Variants in TSHR observed in about 807,000 individuals in gnomAD.
The protein encoded by TSHR is thyroid stimulating hormone receptor.
TSHR carries 51 observed loss-of-function variants against 64.1 expected under a neutral mutation model. That is an observed-to-expected ratio of 0.80 (90% CI 0.64 to 1.01). TSHR has a LOEUF of 1.01. Among genes scored for constraint, TSHR ranks in the 50% least tolerant of loss-of-function variants. The pLI is 0.00. For missense variants in TSHR, 877 were observed against 942.8 expected, an observed-to-expected ratio of 0.93 and a Z score of 0.91; for synonymous variants, 361 against 361.9, an observed-to-expected ratio of 1.00 and a Z score of 0.03.
rs1477244296 is a variant in TSHR, at chr14:81,145,909, GCT to G, written c.*1559_*1560del. ...TCATAAACCACACCATGAAATAAAA[GCT>G]CTTTGTTGTTTTAAGATTGTGAAGT... On this transcript the variant is annotated 3_prime_UTR_variant, in exon 10 of 10. Coordinates refer to ENST00000298171, the MANE Select transcript of TSHR (RefSeq NM_000369.5). 3 of 232,398 alleles carry G rather than the reference GCT, an allele frequency of 1.3e-5. No homozygotes were observed. The highest frequency in any genetic ancestry group is 6.6e-5 in the African/African-American group (3 of 45,264). The allele number at this position is 232,398 out of a possible 1,614,324, so 14.4% of individuals were successfully genotyped here.
At chr14:81,074,945 G>T (rs1406778943) in intron 3 of TSHR, among the ~76,000 whole-genome samples, 1 of 152,164 alleles carries the variant, frequency 6.6e-6, no homozygotes, top group Non-Finnish European at 1.5e-5. Context: ...CCCAATTCAT[G>T]TTTAGATTTT....
intron 1 of TSHR, among the ~76,000 whole-genome samples, chr14:81,056,115 C>T (rs1250553154): frequency 5.9e-5 from 9 of 152,144 alleles, no homozygotes; most frequent in East Asian, 1.9e-4. Flanking sequence ...TCATGAAATC[C>T]GATGATTTTA....
At chr14:81,141,431 G>A (rs905340444) in intron 9 of TSHR, among the ~76,000 whole-genome samples, 3 of 152,206 alleles carry the variant, frequency 2.0e-5, no homozygotes, top group Non-Finnish European at 4.4e-5. Context: ...CTTTTGTTGT[G>A]AGTCTGGTGA....
intron 1 of TSHR, among the ~76,000 whole-genome samples, chr14:80,986,932 G>C (rs1031276232): frequency 1.3e-5 from 2 of 152,214 alleles, no homozygotes; most frequent in Admixed American, 1.3e-4. Flanking sequence ...CCACATTGCA[G>C]AAACAAGATT....
chr14:81,041,003 T>TA (rs1444705163), intron 1 of TSHR, among the ~76,000 whole-genome samples: 4 of 151,948 alleles, frequency 2.6e-5, no homozygotes, highest in Non-Finnish European at 4.4e-5. Flanking sequence ...TATTAAAAAG[T>TA]AAAAAAATAA....
At chr14:81,058,555 A>G (rs1885988781) in intron 1 of TSHR, among the ~76,000 whole-genome samples, 1 of 152,146 alleles carries the variant, frequency 6.6e-6, no homozygotes, top group Admixed American at 6.5e-5. Flanking sequence ...TTTTTTTCTC[A>G]TATTTTAGAA....
At chr14:81,012,385 A>G (rs1309841605) in intron 1 of TSHR, 13 of 151,610 alleles carry the variant, frequency 8.6e-5, no homozygotes, top group Non-Finnish European at 1.3e-4. Context: ...ATTGTGAATA[A>G]TGCCGCAATA....
At chr14:81,016,175 T>G (rs1191629824) in intron 1 of TSHR, among the ~76,000 whole-genome samples, 1 of 152,192 alleles carries the variant, frequency 6.6e-6, no homozygotes, top group Non-Finnish European at 1.5e-5. Flanking sequence ...GTGGCTCTAT[T>G]TTTAAGTTTT....
chr14:81,050,474 T>G (rs1252956582), intron 1 of TSHR: 1 of 152,180 alleles, frequency 6.6e-6, no homozygotes, highest in Non-Finnish European at 1.5e-5. Flanking sequence ...ATCACGAATA[T>G]TCAGACCCAT....
intron 1 of TSHR, among the ~76,000 whole-genome samples, chr14:80,989,168 G>A (rs1265930943): frequency 3.9e-5 from 6 of 152,058 alleles, no homozygotes; most frequent in Non-Finnish European, 5.9e-5. Context: ...ATTGCACCTT[G>A]AAATGACCCA....
intron 7 of TSHR, among the ~76,000 whole-genome samples, chr14:81,101,438 T>C (rs1169994267): frequency 6.6e-6 from 1 of 152,138 alleles, no homozygotes; most frequent in South Asian, 2.1e-4. Context: ...TTGATATAAA[T>C]AGGAGTTGAG....
intron 8 of TSHR, among the ~76,000 whole-genome samples, chr14:81,127,685 G>A (rs964811675): frequency 1.3e-5 from 2 of 152,076 alleles, no homozygotes; most frequent in African/African-American, 4.8e-5. Context: ...AAATCTGATC[G>A]TTTTATAAGG....
At chr14:81,122,020 C>CT (rs1161879777) in intron 8 of TSHR, among the ~76,000 whole-genome samples, 8 of 44,904 alleles carry the variant, frequency 1.8e-4, no homozygotes, top group East Asian at 6.6e-4. Context: ...TTTTCTTTTC[C>CT]TTTTTTTTTT....
At chr14:81,090,441 C>T (rs777174325) in intron 4 of TSHR, among the ~76,000 whole-genome samples, 2 of 152,138 alleles carry the variant, frequency 1.3e-5, no homozygotes, top group Non-Finnish European at 2.9e-5. Flanking sequence ...GACAGGGTTT[C>T]GCCATGTTAG....
Position 81,139,712 on chromosome 14 carries a change from A to C in TSHR, c.726A>C (p.Pro242=). 6.2e-7 allele frequency: 1 copy of C among 1,614,118 alleles called. No individual in the cohort carries two copies. The highest frequency in any genetic ancestry group is 2.2e-5 in the East Asian group (1 of 44,870). ...DVSQTSVTAL[P]SKGLEHLKEL... ...CTCAAACCAGTGTCACTGCCCTTCC[A>C]TCCAAAGGCCTGGAGCACCTGAAGG... The change falls in exon 9 of 10, where the codon CCA becomes CCC. Residue 242 remains proline (P), a synonymous_variant. Transcript: ENST00000298171.
chr14:81,035,058 C>T (rs1270967281), intron 1 of TSHR, among the ~76,000 whole-genome samples: 1 of 152,196 alleles, frequency 6.6e-6, no homozygotes, highest in East Asian at 1.9e-4. Flanking sequence ...CACCTAGCAG[C>T]TTTCAGGATC....
intron 1 of TSHR, among the ~76,000 whole-genome samples, chr14:80,967,639 G>A (rs1028497082): frequency 5.3e-5 from 8 of 152,068 alleles, no homozygotes; most frequent in African/African-American, 1.9e-4. Flanking sequence ...TTCTTAATCG[G>A]GTGAGAGATG....
intron 1 of TSHR, among the ~76,000 whole-genome samples, chr14:81,020,927 A>G (rs1566766607): frequency 6.6e-6 from 1 of 151,972 alleles, no homozygotes; most frequent in Non-Finnish European, 1.5e-5. Flanking sequence ...AGTGACAGCA[A>G]CCAAAATGAG....
At chr14:80,962,470 C>A (rs957751587) in intron 1 of TSHR, among the ~76,000 whole-genome samples, 2 of 152,182 alleles carry the variant, frequency 1.3e-5, no homozygotes, top group African/African-American at 4.8e-5. Flanking sequence ...TGTTGGCAAT[C>A]CATGGCATTC....
Sources: allele counts gnomAD v4.1 joint callset (sites outside exome capture counted in the v4.1 genomes callset), GRCh38; gene constraint gnomAD v4.1.1; transcripts MANE v1.5; gene names NCBI Gene and HGNC (gene_info 2026-07-23, HGNC 2026-07-21).